CDADC1: variants seen among roughly 807,000 people sequenced by gnomAD.
CDADC1 encodes dCTP deaminase.
CDADC1 carries 39 observed loss-of-function variants against 54.9 expected under a neutral mutation model. The observed-to-expected ratio is 0.71, with a 90% CI of 0.55 to 0.93. The LOEUF (loss-of-function observed/expected upper bound fraction) is 0.93. CDADC1 is among the 40% of genes least tolerant of loss of function. The pLI is 0.00. For missense variants in CDADC1, 518 were observed against 618.8 expected (o/e 0.84, Z 1.73); for synonymous variants, 186 against 204.0 (o/e 0.91, Z 0.75).
Position 49,259,519 on chromosome 13 carries a change from A to G in CDADC1, c.426A>G (p.Val142=), listed in dbSNP as rs1157210573. ...GTTCTGCTTGTTTGAAAATGATTGT[A>G]AATGGTAAGTGCAGAAAAGGGTTTG... is the stretch of plus-strand genomic sequence containing the variant. The part of the protein sequence containing the change: ...KPCSACLKMI[V]NAGVNRISYW... The change falls in exon 4 of 10, where the codon GTA becomes GTG. Residue 142 remains valine (V), a synonymous_variant. Coordinates refer to ENST00000251108, the MANE Select transcript of CDADC1 (RefSeq NM_030911.4). 2.5e-6 allele frequency: 4 copies of G among 1,613,562 alleles called. No individual in the cohort carries two copies. The African/African-American group carries it at 5.3e-5, about 22-fold the overall frequency.
chr13:49,292,979 C>A lies in CDADC1; in HGVS notation c.*1222C>A. On this transcript the variant is annotated 3_prime_UTR_variant, in exon 10 of 10. Coordinates refer to ENST00000251108, the MANE Select transcript of CDADC1 (RefSeq NM_030911.4). Reference sequence around the variant, plus strand: ...GGCTGTGACTGCAGCCTGTGTAGGACCATGGGGAGTTCAGAGTCATCATAC... The same window carrying A: ...GGCTGTGACTGCAGCCTGTGTAGGAACATGGGGAGTTCAGAGTCATCATAC... 1 of 317,148 alleles carries A rather than the reference C, an allele frequency of 3.2e-6. No homozygotes were observed. Among genetic ancestry groups the A allele is most frequent in the Non-Finnish European group, 6.0e-6 (1 of 166,022 alleles). The allele number at this position is 317,148 out of a possible 1,614,324, so 19.6% of individuals were successfully genotyped here. A position where few individuals can be genotyped will look rare whatever the true frequency, so the allele number is the denominator to read the frequency against.
At chr13:49,284,700 T>C (rs1007320808) in intron 8 of CDADC1, among the ~76,000 whole-genome samples, 9 of 152,260 alleles carry the variant, frequency 5.9e-5, no homozygotes, top group African/African-American at 1.9e-4. Flanking sequence ...CAACCATTTC[T>C]AGATGTCCTC....
intron 3 of CDADC1, among the ~76,000 whole-genome samples, chr13:49,259,030 A>C (rs901600963): frequency 2.0e-5 from 3 of 152,228 alleles, no homozygotes; most frequent in African/African-American, 7.2e-5. Context: ...TAATCCTATA[A>C]GAAACAAGTC....
chr13:49,273,911 G>A (rs1295654187), intron 5 of CDADC1, among the ~76,000 whole-genome samples: 3 of 152,158 alleles, frequency 2.0e-5, no homozygotes, highest in African/African-American at 7.2e-5. Context: ...CATTAGTTCT[G>A]AAACCTTTAT....
At chr13:49,286,470 C>T (rs1270319753) in intron 9 of CDADC1, among the ~76,000 whole-genome samples, 188 bp downstream of exon 9, 1 of 152,004 alleles carries the variant, frequency 6.6e-6, no homozygotes, top group Non-Finnish European at 1.5e-5. Context: ...ATGGAAAGTG[C>T]CGATTAATAA....
chr13:49,268,040 G>A lies in CDADC1; in HGVS notation c.981G>A (p.Arg327=), dbSNP rs535876301. The change falls in exon 5 of 10, where the codon AGG becomes AGA. Residue 327 remains arginine, a synonymous_variant. Transcript: ENST00000251108. ...CAAGGCACTGCATGGTTCAGGCCAG[G>A]TTATTGGCATATCGAACTGGTGAGT... ...EIARHCMVQA[R]LLAYRTEDHK... The A allele has an allele frequency of 3.1e-6, 5 of 1,610,892 alleles. No individual in the cohort carries two copies. The African/African-American group carries it at 6.7e-5, about 21-fold the overall frequency.
At chr13:49,274,806 C>T (rs575422651) in intron 6 of CDADC1, among the ~76,000 whole-genome samples, 41 of 152,186 alleles carry the variant, frequency 2.7e-4, no homozygotes, top group Non-Finnish European at 3.1e-4. Flanking sequence ...ACAGGTTAGG[C>T]ACTGTGCCAC....
intron 4 of CDADC1, among the ~76,000 whole-genome samples, chr13:49,264,595 C>T (rs1160830363): frequency 6.8e-6 from 1 of 147,434 alleles, no homozygotes; most frequent in South Asian, 2.2e-4. Context: ...TGGTGGTGCA[C>T]ACCTGCAATC....
At chr13:49,264,498 A>T (rs1010510209) in intron 4 of CDADC1, among the ~76,000 whole-genome samples, 1 of 143,044 alleles carries the variant, frequency 7.0e-6, no homozygotes, top group African/African-American at 2.6e-5. Context: ...TGGGAGGACC[A>T]CCTCAGGTCA....
Position 49,280,660 on chromosome 13 carries a change from A to G in CDADC1, c.1372A>G (p.Met458Val), listed in dbSNP as rs765427415. 1.2e-5 allele frequency: 19 copies of G among 1,598,544 alleles called. No homozygotes were observed. Among genetic ancestry groups the G allele is most frequent in the Middle Eastern group, 1.7e-4 (1 of 6,038 alleles). Residue 458 changes from methionine (M) to valine (V), a missense_variant, in exon 8 of 10, where the codon ATG (methionine) becomes GTG (valine). Met to Val is a conservative substitution (Grantham distance 21, BLOSUM62 1). Transcript: ENST00000251108. ...AAAAAAGAAGGCAGACATCTCTTAC[A>G]TGAGGTTCGGGGAGCTTGAAGGTGT... ...VGKKKADISY[M>V]RFGELEGVSK...
intron 8 of CDADC1, among the ~76,000 whole-genome samples, chr13:49,285,916 C>G (rs1953501485): frequency 6.6e-6 from 1 of 151,762 alleles, no homozygotes; most frequent in African/African-American, 2.4e-5. Context: ...CAGGTTCAAG[C>G]AATTCTCTTA....
chr13:49,264,448 G>A (rs376588274), intron 4 of CDADC1, among the ~76,000 whole-genome samples: 3 of 151,424 alleles, frequency 2.0e-5, no homozygotes, highest in South Asian at 2.1e-4. Flanking sequence ...CAGGTCAGGC[G>A]CAGTGGCCCA....
Position 49,247,960 on chromosome 13 carries a change from G to A in CDADC1, c.-78G>A, listed in dbSNP as rs556298852. 1.3e-4 allele frequency: 177 copies of A among 1,331,634 alleles called. 1 individual carries two copies. Among genetic ancestry groups the A allele is most frequent in the Middle Eastern group, 3.6e-4 (2 of 5,556 alleles). 82.5% of individuals were successfully genotyped at this position (1,331,634 alleles called of 1,614,324 possible). A position where few individuals can be genotyped will look rare whatever the true frequency, so the allele number is the denominator to read the frequency against. ...TGCCTTACAGTTGCTGAGAGGAGGC[G>A]AGAGGCGGGGGCGCTAGGGCCGAGA... On this transcript the variant is annotated 5_prime_UTR_variant, in exon 1 of 10. Coordinates refer to ENST00000251108, the MANE Select transcript of CDADC1 (RefSeq NM_030911.4).
chr13:49,248,275 G>T (rs1423842985), intron 1 of CDADC1, 156 bp downstream of exon 1: 11 of 634,276 alleles, frequency 1.7e-5, no homozygotes, highest in Admixed American at 2.9e-5. Flanking sequence ...CTCCGCGGTC[G>T]CCAGGACCAA....
rs1217061543 is a variant in CDADC1 at position 49,293,301 on chromosome 13, T to A, written c.*1544T>A. On this transcript the variant is annotated 3_prime_UTR_variant, in exon 10 of 10. Transcript: ENST00000251108. ...CCCAAAATCCTGGCATATTGCCAGGTCTGTGGATTTGCCTGTTGGGTGTTG... is the reference window on the plus strand; with the variant it reads ...CCCAAAATCCTGGCATATTGCCAGGACTGTGGATTTGCCTGTTGGGTGTTG... 1 of 152,238 alleles carries A rather than the reference T, an allele frequency of 6.6e-6. No homozygotes were observed. The highest frequency in any genetic ancestry group is 1.5e-5 in the Non-Finnish European group (1 of 68,056). 9.4% of individuals were successfully genotyped at this position (152,238 alleles called of 1,614,324 possible).
chr13:49,268,073 A>G lies in CDADC1; in HGVS notation c.1000+14A>G, dbSNP rs977865741. ...CATATCGAACTGGTGAGTTACATAGATCGTAAATTGGGGCTGATTGGTTGG... is the reference window on the plus strand; with the variant it reads ...CATATCGAACTGGTGAGTTACATAGGTCGTAAATTGGGGCTGATTGGTTGG... On this transcript the variant is annotated intron_variant, in intron 5 of 9. Transcript: ENST00000251108. The G allele has an allele frequency of 1.9e-6, 3 of 1,584,884 alleles. No homozygotes were observed. The highest frequency in any genetic ancestry group is 2.6e-6 in the Non-Finnish European group (3 of 1,163,036).
intron 9 of CDADC1, among the ~76,000 whole-genome samples, chr13:49,290,999 G>A (rs534818194): frequency 3.3e-5 from 5 of 152,138 alleles, no homozygotes; most frequent in South Asian, 2.1e-4. Context: ...AGATAAGTCC[G>A]TCTTCCTTCC....
At position 49,280,662 on chromosome 13, in the gene CDADC1, G is replaced by A; in HGVS notation, c.1374G>A (p.Met458Ile). ...VGKKKADISY[M>I]RFGELEGVSK... ...AAAAGAAGGCAGACATCTCTTACAT[G>A]AGGTTCGGGGAGCTTGAAGGTGTTA... The change falls in exon 8 of 10, where the codon ATG (methionine) becomes ATA (isoleucine). Residue 458 changes from methionine to isoleucine, a missense_variant. Transcript: ENST00000251108. 6.3e-7 allele frequency: 1 copy of A among 1,587,316 alleles called. No homozygotes were observed. Among genetic ancestry groups the A allele is most frequent in the Non-Finnish European group, 8.5e-7 (1 of 1,170,352 alleles).
Position 49,280,519 on chromosome 13 carries a change from A to G in CDADC1, c.1231A>G (p.Ile411Val). 3 of 1,415,262 alleles carry G rather than the reference A, an allele frequency of 2.1e-6. No homozygotes were observed. Among genetic ancestry groups the G allele is most frequent in the Non-Finnish European group, 2.8e-6 (3 of 1,073,548 alleles). The allele number at this position is 1,415,262 out of a possible 1,614,324, so 87.7% of individuals were successfully genotyped here. The change falls in exon 8 of 10, where the codon ATA (isoleucine) becomes GTA (valine). Residue 411 changes from isoleucine to valine, a missense_variant. Ile to Val is a conservative substitution (Grantham distance 29, BLOSUM62 3). Coordinates refer to ENST00000251108, the MANE Select transcript of CDADC1 (RefSeq NM_030911.4). ...TAATTTTTTTTGTAGGTGTCAAGAA[A>G]TAAAACCAGAAGAAAGAAGCATGAT... ...QNALTFRCQE[I>V]KPEERSMIFV...
Sources: allele counts gnomAD v4.1 joint callset (sites outside exome capture counted in the v4.1 genomes callset), GRCh38; gene constraint gnomAD v4.1.1; transcripts MANE v1.5; gene names NCBI Gene and HGNC (gene_info 2026-07-23, HGNC 2026-07-21).